The following OLFM4 variants were observed in gnomAD, a reference collection of about 807,000 sequenced individuals.
OLFM4 encodes the protein olfactomedin 4, also known as olfactomedin-4.
In OLFM4, 22 loss-of-function variants were observed where a neutral mutation model predicts 25.5. The ratio of observed to expected loss-of-function variants is 0.86; its 90% CI spans 0.62 to 1.23. OLFM4 has a LOEUF of 1.23. Ranked by LOEUF, OLFM4 falls within the 50% of genes most tolerant of loss-of-function variation. The pLI is 0.00. For missense variants in OLFM4, 594 were observed against 619.4 expected (o/e 0.96, Z 0.44); for synonymous variants, 255 against 237.7 (o/e 1.07, Z -0.67).
chr13:53,041,830 C>T, intron 2 of OLFM4, 80 bp from the exon 3 acceptor site: 3 of 925,872 alleles, frequency 3.2e-6, no homozygotes, highest in South Asian at 1.5e-5. Context: ...AAATAGTTCT[C>T]AACTCAAGGG....
chr13:53,031,237 T>C (rs1047353150), intron 1 of OLFM4, among the ~76,000 whole-genome samples: 7 of 152,222 alleles, frequency 4.6e-5, no homozygotes, highest in African/African-American at 7.2e-5. Flanking sequence ...TCAATTTCAC[T>C]ATCAACCTAA....
In OLFM4 at chr13:53,050,578, A is replaced by C. The variant is rs1317694849; in HGVS notation, c.1340A>C (p.Asn447Thr). ...CGVLYATRTM[N>T]TRTEEIFYYY... is the part of the protein sequence containing the mutation. ...GTTCTGTATGCCACCCGTACTATGA[A>C]CACCAGAACAGAAGAGATTTTTTAC... The change falls in exon 5 of 5, where the codon AAC (asparagine) becomes ACC (threonine). Residue 447 changes from asparagine (N) to threonine (T), a missense_variant. Transcript: ENST00000219022. 6.2e-7 allele frequency: 1 copy of C among 1,613,900 alleles called. No individual in the cohort carries two copies. Among genetic ancestry groups the C allele is most frequent in the African/African-American group, 1.3e-5 (1 of 74,910 alleles).
At chr13:53,037,176 T>A (rs77520453) in intron 2 of OLFM4, among the ~76,000 whole-genome samples, 21 of 152,354 alleles carry the variant, frequency 1.4e-4, no homozygotes, top group African/African-American at 5.0e-4. Context: ...TGTCTGTCAG[T>A]ACACAGAGAA....
chr13:53,035,649 C>T (rs555352792), intron 2 of OLFM4, among the ~76,000 whole-genome samples: 1 of 152,294 alleles, frequency 6.6e-6, no homozygotes, highest in South Asian at 2.1e-4. Context: ...TCTATTGTCT[C>T]AGCAGGAACA....
At chr13:53,044,435 T>C (rs1424830092) in intron 4 of OLFM4, among the ~76,000 whole-genome samples, 3 of 152,224 alleles carry the variant, frequency 2.0e-5, no homozygotes, top group African/African-American at 7.2e-5. Flanking sequence ...TCCTCACACC[T>C]GCTTTCTTTT....
chr13:53,049,397 G>T (rs1954732493), intron 4 of OLFM4, among the ~76,000 whole-genome samples: 1 of 152,140 alleles, frequency 6.6e-6, no homozygotes. Context: ...AAGCAGGATT[G>T]GTACCTGGCG....
At chr13:53,037,204 G>T (rs1006682613) in intron 2 of OLFM4, among the ~76,000 whole-genome samples, 12 of 152,208 alleles carry the variant, frequency 7.9e-5, no homozygotes, top group African/African-American at 2.9e-4. Context: ...AGCTGCCTCT[G>T]CATAAGATGC....
At chr13:53,037,351 A>G (rs531998816) in intron 2 of OLFM4, among the ~76,000 whole-genome samples, 2 of 152,222 alleles carry the variant, frequency 1.3e-5, no homozygotes, top group Non-Finnish European at 2.9e-5. Flanking sequence ...GTTATTTAAT[A>G]TGACACATTT....
chr13:53,028,928 G>T lies in OLFM4; in HGVS notation c.92G>T (p.Ser31Ile), dbSNP rs199860174. 4.3e-6 allele frequency: 7 copies of T among 1,614,202 alleles called. No homozygotes were observed. The East Asian group carries it at 1.6e-4, about 36-fold the overall frequency. The change falls in exon 1 of 5, where the codon AGC becomes ATC. Residue 31 changes from serine to isoleucine, a missense_variant. By Grantham distance (142) the Ser-to-Ile change is moderately radical. Coordinates refer to ENST00000219022, the MANE Select transcript of OLFM4 (RefSeq NM_006418.5). ...GGGGATGTGGGACCTCCAATTCCCA[G>T]CCCCGGCTTCAGCTCTTTCCCAGGT... ...DLGDVGPPIP[S>I]PGFSSFPGVD...
intron 4 of OLFM4, among the ~76,000 whole-genome samples, chr13:53,049,574 T>C (rs1954733281): frequency 6.6e-6 from 1 of 152,278 alleles, no homozygotes; most frequent in South Asian, 2.1e-4. Context: ...GCTTCCTTGA[T>C]TTTGCTATAA....
At chr13:53,042,542 C>T (rs939905774) in intron 3 of OLFM4, among the ~76,000 whole-genome samples, 3 of 152,134 alleles carry the variant, frequency 2.0e-5, no homozygotes, top group East Asian at 3.8e-4. Context: ...TTTTGAATAA[C>T]CTGGAATCCT....
In OLFM4 at chr13:53,050,654, T is replaced by C; in HGVS notation, c.1416T>C (p.His472=). The C allele has an allele frequency of 6.2e-7, 1 of 1,613,996 alleles. No individual in the cohort carries two copies. The highest frequency in any genetic ancestry group is 8.5e-7 in the Non-Finnish European group (1 of 1,179,934). ...AGGGCAAACTAGACATTGTAATGCATAAGATGCAGGAAAAAGTGCAGAGCA... is the reference window on the plus strand; with the variant it reads ...AGGGCAAACTAGACATTGTAATGCACAAGATGCAGGAAAAAGTGCAGAGCA... ...GKEGKLDIVM[H]KMQEKVQSIN... The change falls in exon 5 of 5, where the codon CAT becomes CAC. Residue 472 remains histidine (H), a synonymous_variant. Coordinates refer to ENST00000219022, the MANE Select transcript of OLFM4 (RefSeq NM_006418.5).
chr13:53,046,951 T>A (rs533470190), intron 4 of OLFM4, among the ~76,000 whole-genome samples: 1 of 152,142 alleles, frequency 6.6e-6, no homozygotes. Flanking sequence ...AACAGAGAGG[T>A]GCACCTGTGA....
chr13:53,035,566 C>G (rs1954654092), intron 2 of OLFM4, among the ~76,000 whole-genome samples: 1 of 152,162 alleles, frequency 6.6e-6, no homozygotes, highest in Non-Finnish European at 1.5e-5. Flanking sequence ...TTCTTTCTAA[C>G]TACTTTTATT....
In OLFM4 at chr13:53,034,509, T is replaced by A; in HGVS notation, c.357+9T>A. The A allele has an allele frequency of 6.3e-7, 1 of 1,599,118 alleles. No homozygotes were observed. Among genetic ancestry groups the A allele is most frequent in the Non-Finnish European group, 8.5e-7 (1 of 1,174,336 alleles). On this transcript the variant is annotated intron_variant, in intron 2 of 4. Coordinates refer to ENST00000219022, the MANE Select transcript of OLFM4 (RefSeq NM_006418.5). ...AGAAAGAACTTTCCAAAGTAAGCAT[T>A]TTCTTTTCAAACAATATCTTGATAA...
intron 4 of OLFM4, among the ~76,000 whole-genome samples, chr13:53,047,503 C>T (rs992112314): frequency 2.6e-5 from 4 of 151,980 alleles, no homozygotes; most frequent in Non-Finnish European, 5.9e-5. Context: ...CTACCACAGC[C>T]GGGGCCCTAA....
rs759339470 is a variant in OLFM4, at chr13:53,028,961, C to CCAGCTCCAGCTT, written c.137_148dup (p.Phe46_Ser49dup). The CCAGCTCCAGCTT allele has an allele frequency of 3.7e-6, 6 of 1,613,944 alleles. No individual in the cohort carries two copies. Among genetic ancestry groups the CCAGCTCCAGCTT allele is most frequent in the Non-Finnish European group, 5.1e-6 (6 of 1,179,830 alleles). ...TTCAGCTCTTTCCCAGGTGTTGACT[C>CCAGCTCCAGCTT]CAGCTCCAGCTTCAGCTCCAGCTCC... is the stretch of plus-strand genomic sequence containing the variant. On this transcript the variant is annotated inframe_insertion, in exon 1 of 5. Transcript: ENST00000219022.
rs914222867 is a variant in OLFM4 at position 53,041,683 on chromosome 13, G to A, written c.358-227G>A. On this transcript the variant is annotated intron_variant, in intron 2 of 4. Coordinates refer to ENST00000219022, the MANE Select transcript of OLFM4 (RefSeq NM_006418.5). ...AATGATGATGCTGAAGCAAAATTAT[G>A]TTTAGCCTAGCAAAGTATAAAATCT... 2.6e-5 allele frequency among the ~76,000 whole-genome samples: 4 copies of A among 152,296 alleles called. No homozygotes were observed. In the South Asian group the frequency reaches 6.2e-4, roughly 24 times the overall value.
At chr13:53,039,966 G>A (rs1014344069) in intron 2 of OLFM4, among the ~76,000 whole-genome samples, 1 of 152,202 alleles carries the variant, frequency 6.6e-6, no homozygotes. Context: ...AATGACAGAA[G>A]TTAGGATTGC....
Sources: allele counts gnomAD v4.1 joint callset (sites outside exome capture counted in the v4.1 genomes callset), GRCh38; gene constraint gnomAD v4.1.1; transcripts MANE v1.5; gene names NCBI Gene and HGNC (gene_info 2026-07-23, HGNC 2026-07-21).